The following DPP10 variants were observed in gnomAD, a reference collection of about 807,000 sequenced individuals.
DPP10 encodes the protein dipeptidyl peptidase like 10, also known as inactive dipeptidyl peptidase 10.
DPP10 carries 33 observed loss-of-function variants against 120.9 expected under a neutral mutation model. That is an observed-to-expected ratio of 0.27 (90% CI 0.21 to 0.37). The LOEUF (loss-of-function observed/expected upper bound fraction) is 0.37. Among genes scored for constraint, DPP10 ranks in the 10% least tolerant of loss-of-function variants. The pLI is 1.00. For missense variants in DPP10, 816 were observed against 942.8 expected (o/e 0.87, Z 1.76); for synonymous variants, 337 against 326.1 (o/e 1.03, Z -0.36).
chr2:115,535,403 C>G (rs915033782), intron 5 of DPP10, among the ~76,000 whole-genome samples: 3 of 151,994 alleles, frequency 2.0e-5, no homozygotes, highest in African/African-American at 7.2e-5. Flanking sequence ...TCTCAGATTT[C>G]TCAAAGATCA....
chr2:115,438,302 C>T (rs182898371), intron 3 of DPP10, among the ~76,000 whole-genome samples: 57 of 152,122 alleles, frequency 3.7e-4, no homozygotes, highest in African/African-American at 5.8e-4. Context: ...ATTGCTGCTG[C>T]GGAAGAAATG....
intron 7 of DPP10, among the ~76,000 whole-genome samples, chr2:115,726,611 T>A (rs138434448): frequency 3.0e-4 from 45 of 152,238 alleles, no homozygotes; most frequent in African/African-American, 9.6e-4. Flanking sequence ...CTTACTCTGA[T>A]ATTGAGATTC....
chr2:115,003,119 C>T (rs1701556139), intron 1 of DPP10, among the ~76,000 whole-genome samples: 2 of 148,578 alleles, frequency 1.3e-5, no homozygotes, highest in South Asian at 2.1e-4. Context: ...CCTAGATTCC[C>T]ATCAACAGTA....
intron 5 of DPP10, among the ~76,000 whole-genome samples, chr2:115,666,595 A>G (rs901926176): frequency 1.3e-5 from 2 of 152,012 alleles, no homozygotes; most frequent in African/African-American, 4.8e-5. Flanking sequence ...ATCTCATTCT[A>G]TTTTATGGCT....
At chr2:115,136,858 A>C (rs2050677245) in intron 1 of DPP10, among the ~76,000 whole-genome samples, 1 of 152,208 alleles carries the variant, frequency 6.6e-6, no homozygotes, top group Admixed American at 6.5e-5. Context: ...ATTTTAGAAA[A>C]TCACCCATCC....
intron 1 of DPP10, among the ~76,000 whole-genome samples, chr2:114,801,273 A>AAAAG (rs1684204647): frequency 6.4e-5 from 5 of 77,834 alleles, no homozygotes; most frequent in Non-Finnish European, 1.2e-4. Context: ...AAAAAAAAAA[A>AAAAG]AAAAAAGAAA....
intron 1 of DPP10, among the ~76,000 whole-genome samples, chr2:114,842,165 C>G (rs1172982519): frequency 6.6e-6 from 1 of 152,050 alleles, no homozygotes; most frequent in Non-Finnish European, 1.5e-5. Context: ...TTTCAGGGAT[C>G]TTTCTGAAAG....
At chr2:114,633,248 C>CTTTTTTTTTTT (rs35372708) in intron 1 of DPP10, among the ~76,000 whole-genome samples, 5 of 72,812 alleles carry the variant, frequency 6.9e-5, no homozygotes, top group Non-Finnish European at 9.5e-5. Flanking sequence ...GTTTTTCTTT[C>CTTTTTTTTTTT]TTTTTTTTTT....
intron 1 of DPP10, among the ~76,000 whole-genome samples, chr2:115,029,357 C>T (rs993828089): frequency 4.6e-5 from 7 of 151,910 alleles, no homozygotes; most frequent in African/African-American, 7.2e-5. Flanking sequence ...GTGGATTGCT[C>T]ATCACAATTA....
At chr2:114,680,248 T>C (rs766085080) in intron 1 of DPP10, among the ~76,000 whole-genome samples, 1 of 152,014 alleles carries the variant, frequency 6.6e-6, no homozygotes, top group Non-Finnish European at 1.5e-5. Flanking sequence ...ATGTCCCTTA[T>C]GGGAAACTCA....
At chr2:115,078,150 T>A (rs1707950077) in intron 1 of DPP10, among the ~76,000 whole-genome samples, 1 of 152,166 alleles carries the variant, frequency 6.6e-6, no homozygotes, top group South Asian at 2.1e-4. Context: ...CTAAGGCAAA[T>A]ATGAAGGTAA....
chr2:114,850,863 A>G (rs941358904), intron 1 of DPP10, among the ~76,000 whole-genome samples: 5 of 151,870 alleles, frequency 3.3e-5, no homozygotes, highest in South Asian at 2.1e-4. Flanking sequence ...TTTTTCCTGC[A>G]TGGTACCCAA....
chr2:115,216,313 A>C (rs1052373048), intron 1 of DPP10, among the ~76,000 whole-genome samples: 1 of 152,130 alleles, frequency 6.6e-6, no homozygotes, highest in African/African-American at 2.4e-5. Flanking sequence ...CAGTGAAAAA[A>C]AATTTAATTA....
At chr2:115,711,854 G>A (rs2092324954) in intron 7 of DPP10, among the ~76,000 whole-genome samples, 1 of 147,820 alleles carries the variant, frequency 6.8e-6, no homozygotes, top group Non-Finnish European at 1.5e-5. Flanking sequence ...TACTTAAGAA[G>A]ATATACTTTA....
rs13418657 is a variant in DPP10 at position 114,917,131 on chromosome 2, C to T, written c.61-392108C>T. On this transcript the variant is annotated intron_variant, in intron 1 of 25. Coordinates refer to ENST00000410059, the MANE Select transcript of DPP10 (RefSeq NM_020868.6). Reference sequence around the variant, plus strand: ...ACAACTTCAGCAAAGTTTCACAATACAAAATCAATACATGCAAATCAGGAG... The same window carrying T: ...ACAACTTCAGCAAAGTTTCACAATATAAAATCAATACATGCAAATCAGGAG... Among the ~76,000 whole-genome samples the T allele has an allele frequency of 9.8e-3, 1,498 of 152,292 alleles. 20 individuals carry two copies. The highest frequency in any genetic ancestry group is 0.035 in the African/African-American group (1,444 of 41,558).
At chr2:115,584,679 A>C (rs1208696982) in intron 5 of DPP10, among the ~76,000 whole-genome samples, 2 of 152,216 alleles carry the variant, frequency 1.3e-5, no homozygotes, top group African/African-American at 4.8e-5. Context: ...GGTGACCAAC[A>C]AATCAATCAT....
chr2:114,766,083 C>T (rs1369459466), intron 1 of DPP10, among the ~76,000 whole-genome samples: 7 of 151,396 alleles, frequency 4.6e-5, no homozygotes, highest in South Asian at 2.1e-4. Context: ...TTATTATATA[C>T]AGAATATAAA....
At chr2:114,700,032 A>T (rs921223234) in intron 1 of DPP10, among the ~76,000 whole-genome samples, 1 of 152,114 alleles carries the variant, frequency 6.6e-6, no homozygotes, top group Admixed American at 6.6e-5. Context: ...GCTCAAAAGT[A>T]TCACTAAGAG....
intron 3 of DPP10, among the ~76,000 whole-genome samples, chr2:115,443,300 C>T (rs2072251197): frequency 2.0e-5 from 3 of 152,080 alleles, no homozygotes; most frequent in South Asian, 4.2e-4. Context: ...AGACTTTTTT[C>T]TCTGAATGTG....
Sources: allele counts gnomAD v4.1 joint callset (sites outside exome capture counted in the v4.1 genomes callset), GRCh38; gene constraint gnomAD v4.1.1; transcripts MANE v1.5; gene names NCBI Gene and HGNC (gene_info 2026-07-23, HGNC 2026-07-21).